RAB10: variants seen among roughly 807,000 people sequenced by gnomAD.
The protein encoded by RAB10 is ras-related protein Rab-10.
A neutral mutation model predicts 25.7 loss-of-function variants in RAB10; 5 were observed. The observed-to-expected ratio is 0.19, with a 90% CI of 0.10 to 0.41. The LOEUF is 0.41. Among genes scored for constraint, RAB10 ranks in the 10% least tolerant of loss-of-function variants. The pLI, the probability that RAB10 is intolerant of heterozygous loss-of-function variation, is 1.00. For synonymous variants in RAB10, 89 were observed against 86.4 expected, an observed-to-expected ratio of 1.03 and a Z score of -0.16; for missense variants, 103 against 245.8, an observed-to-expected ratio of 0.42 and a Z score of 3.89.
chr2:26,065,012 C>G (rs772249838), intron 1 of RAB10, among the ~76,000 whole-genome samples: 1 of 152,168 alleles, frequency 6.6e-6, no homozygotes, highest in African/African-American at 2.4e-5. Flanking sequence ...GAGCTCTGAT[C>G]GCGCCACTGC....
chr2:26,050,297 C>T (rs1393359291), intron 1 of RAB10, among the ~76,000 whole-genome samples: 8 of 152,166 alleles, frequency 5.3e-5, no homozygotes, highest in Admixed American at 5.2e-4. Flanking sequence ...ACTTTGAAAA[C>T]ATTACTCCAT....
intron 1 of RAB10, among the ~76,000 whole-genome samples, chr2:26,082,347 CA>C (rs767299599): frequency 1.3e-5 from 2 of 151,920 alleles, no homozygotes; most frequent in Non-Finnish European, 2.9e-5. Context: ...AATCAGCGAC[CA>C]AATCTTAAAG....
chr2:26,117,937 C>A (rs1667726424), intron 3 of RAB10, among the ~76,000 whole-genome samples: 1 of 152,156 alleles, frequency 6.6e-6, no homozygotes, highest in Non-Finnish European at 1.5e-5. Flanking sequence ...CCTTAGGAAA[C>A]CCAAGTCTCA....
intron 1 of RAB10, among the ~76,000 whole-genome samples, chr2:26,039,819 C>G (rs183633589): frequency 6.6e-6 from 1 of 151,302 alleles, no homozygotes; most frequent in Non-Finnish European, 1.5e-5. Context: ...TCAAGACCAG[C>G]CTGGGCAACA....
intron 3 of RAB10, among the ~76,000 whole-genome samples, chr2:26,110,736 C>T (rs1667552692): frequency 1.3e-5 from 2 of 152,078 alleles, no homozygotes; most frequent in East Asian, 1.9e-4. Context: ...GATAGAGTCT[C>T]ACTTCATCAC....
chr2:26,107,303 A>G (rs1667485590), intron 2 of RAB10, among the ~76,000 whole-genome samples: 2 of 151,752 alleles, frequency 1.3e-5, no homozygotes, highest in Non-Finnish European at 2.9e-5. Flanking sequence ...CACTAAACAC[A>G]TGATCTGTAA....
At chr2:26,095,365 T>C (rs1483346089) in intron 1 of RAB10, among the ~76,000 whole-genome samples, 5 of 152,080 alleles carry the variant, frequency 3.3e-5, no homozygotes, top group East Asian at 1.9e-4. Flanking sequence ...CCTAGCACTT[T>C]AGGAGGCCAA....
chr2:26,069,973 C>T (rs185834569), intron 1 of RAB10, among the ~76,000 whole-genome samples: 324 of 152,300 alleles, frequency 2.1e-3, no homozygotes, highest in African/African-American at 7.4e-3. Flanking sequence ...TCCCAAAGTG[C>T]TGGGATTACA....
At chr2:26,125,166 T>C (rs977305520) in intron 3 of RAB10, among the ~76,000 whole-genome samples, 1 of 152,182 alleles carries the variant, frequency 6.6e-6, no homozygotes, top group African/African-American at 2.4e-5. Context: ...GTGTAACCTT[T>C]TGAGGAATCA....
intron 1 of RAB10, among the ~76,000 whole-genome samples, chr2:26,075,504 T>TA (rs1440027389): frequency 6.6e-6 from 1 of 150,758 alleles, no homozygotes; most frequent in Non-Finnish European, 1.5e-5. Flanking sequence ...TCTCTCTGAT[T>TA]AAAAAAAGCT....
chr2:26,077,317 A>G (rs1265985343), intron 1 of RAB10, among the ~76,000 whole-genome samples: 2 of 152,242 alleles, frequency 1.3e-5, no homozygotes, highest in African/African-American at 4.8e-5. Flanking sequence ...TGTGAAAGTC[A>G]ACACATCTTT....
intron 1 of RAB10, among the ~76,000 whole-genome samples, chr2:26,047,458 T>G (rs1340960053): frequency 6.6e-6 from 1 of 151,386 alleles, no homozygotes; most frequent in Non-Finnish European, 1.5e-5. Context: ...TTCTGTCGCC[T>G]AGGCTGGAGT....
At chr2:26,128,952 T>G (rs1190252108) in intron 5 of RAB10, among the ~76,000 whole-genome samples, 2 of 152,162 alleles carry the variant, frequency 1.3e-5, no homozygotes, top group African/African-American at 2.4e-5. Flanking sequence ...TGTTGAAATT[T>G]TAAATGCAAA....
chr2:26,090,956 AAT>A (rs1357000809), intron 1 of RAB10, among the ~76,000 whole-genome samples: 1 of 135,052 alleles, frequency 7.4e-6, no homozygotes, highest in Non-Finnish European at 1.6e-5. Flanking sequence ...AAAAAAAAAA[AAT>A]TCTGATATCT....
At chr2:26,099,186 A>G (rs572745816) in intron 2 of RAB10, among the ~76,000 whole-genome samples, 3 of 148,610 alleles carry the variant, frequency 2.0e-5, no homozygotes, top group Non-Finnish European at 4.4e-5. Context: ...AGAATTTAGA[A>G]TTATAATGGC....
rs189148622 is a variant in RAB10, at chr2:26,076,816, C to T, written c.128-21846C>T. On this transcript the variant is annotated intron_variant, in intron 1 of 5. Transcript: ENST00000264710. The stretch of plus-strand genomic sequence containing the variant: ...AAAATTAGCTGGGCGTGGTGGCAGG[C>T]GCCTGTAATCCCAGCTACTCGGGAG... 3.3e-3 allele frequency among the ~76,000 whole-genome samples: 496 copies of T among 151,634 alleles called. 5 individuals are homozygous for T. The highest frequency in any genetic ancestry group is 6.7e-3 in the South Asian group (32 of 4,798).
intron 3 of RAB10, among the ~76,000 whole-genome samples, chr2:26,115,116 T>G (rs1667655963): frequency 6.6e-6 from 1 of 152,166 alleles, no homozygotes; most frequent in African/African-American, 2.4e-5. Context: ...GGAGAGAAAT[T>G]GTAACCCTCA....
chr2:26,124,861 T>A (rs1436609228), intron 3 of RAB10, among the ~76,000 whole-genome samples: 5 of 152,226 alleles, frequency 3.3e-5, no homozygotes, highest in African/African-American at 1.2e-4. Flanking sequence ...ATATAGTATT[T>A]GTTCAATTTG....
At chr2:26,132,834 A>G (rs2149291179) in intron 5 of RAB10, among the ~76,000 whole-genome samples, 1 of 137,554 alleles carries the variant, frequency 7.3e-6, no homozygotes, top group East Asian at 2.5e-4. Context: ...AATCAGTTGT[A>G]GGAGCCTCCC....
Sources: gnomAD v4.1 joint callset for allele counts (sites outside exome capture counted in the v4.1 genomes callset) on GRCh38, gnomAD v4.1.1 for gene constraint, MANE v1.5 for transcripts, NCBI Gene and HGNC (gene_info 2026-07-23, HGNC 2026-07-21) for gene names.